Variants in GALNT17 observed in about 807,000 individuals in gnomAD.
The protein encoded by GALNT17 is polypeptide N-acetylgalactosaminyltransferase 17.
In GALNT17, 29 loss-of-function variants were observed where a neutral mutation model predicts 63.7. That is an observed-to-expected ratio of 0.46 (90% CI 0.34 to 0.62). The LOEUF (loss-of-function observed/expected upper bound fraction) is 0.62, where lower values mean the gene tolerates loss of function less well. GALNT17 is among the 20% of genes least tolerant of loss of function. The probability of loss-of-function intolerance (pLI) is 0.01; values close to 1 mark genes in which losing one functional copy is unlikely to be tolerated. For missense variants in GALNT17, 603 were observed against 799.6 expected (o/e 0.75, Z 2.97); for synonymous variants, 305 against 318.3 (o/e 0.96, Z 0.45).
At chr7:71,199,580 T>TG (rs1789125223) in intron 1 of GALNT17, among the ~76,000 whole-genome samples, 1 of 142,192 alleles carries the variant, frequency 7.0e-6, no homozygotes, top group Non-Finnish European at 1.5e-5. Flanking sequence ...CCTACCCTTC[T>TG]GCTCATTAAT....
At chr7:71,356,026 G>A (rs1792278185) in intron 2 of GALNT17, among the ~76,000 whole-genome samples, 1 of 151,906 alleles carries the variant, frequency 6.6e-6, no homozygotes, top group Non-Finnish European at 1.5e-5. Context: ...CACCCAGGCT[G>A]GAGTGCAGTG....
intron 3 of GALNT17, among the ~76,000 whole-genome samples, chr7:71,404,392 G>T (rs1368809648): frequency 6.6e-6 from 1 of 151,894 alleles, no homozygotes; most frequent in Non-Finnish European, 1.5e-5. Flanking sequence ...CTATGGAATC[G>T]CCCTCAAAAT....
At chr7:71,143,959 A>G (rs2116181261) in intron 1 of GALNT17, among the ~76,000 whole-genome samples, 1 of 151,876 alleles carries the variant, frequency 6.6e-6, no homozygotes, top group Admixed American at 6.5e-5. Flanking sequence ...CTCTGAGTTC[A>G]GGACTCAGCC....
At chr7:71,344,119 A>C (rs916834288) in intron 2 of GALNT17, among the ~76,000 whole-genome samples, 13 of 19,192 alleles carry the variant, frequency 6.8e-4, no homozygotes, top group Non-Finnish European at 9.9e-4. Flanking sequence ...GGCCTTAGAA[A>C]GTAAGACAAG....
At chr7:71,538,157 C>T (rs140896529) in intron 5 of GALNT17, among the ~76,000 whole-genome samples, 1,549 of 152,224 alleles carry the variant, frequency 0.01, 15 homozygotes, top group Non-Finnish European at 0.016. Context: ...GTTAACTGAA[C>T]GAACATTGAT....
chr7:71,151,758 A>G (rs1585841324), intron 1 of GALNT17, among the ~76,000 whole-genome samples: 1 of 152,214 alleles, frequency 6.6e-6, no homozygotes, highest in Non-Finnish European at 1.5e-5. Context: ...ATAAGTATTG[A>G]AATATGGCTA....
intron 5 of GALNT17, among the ~76,000 whole-genome samples, chr7:71,475,806 T>C (rs1469419701): frequency 6.6e-6 from 1 of 152,170 alleles, no homozygotes; most frequent in Non-Finnish European, 1.5e-5. Context: ...GTATCCCCAG[T>C]GAGTCTGCTA....
intron 1 of GALNT17, among the ~76,000 whole-genome samples, chr7:71,270,940 G>GAA (rs3839728): frequency 1.6e-4 from 23 of 143,448 alleles, no homozygotes; most frequent in Admixed American, 2.8e-4. Flanking sequence ...TTTAATCAGA[G>GAA]AAAAAAAAAA....
At chr7:71,321,556 A>G (rs1791605319) in intron 1 of GALNT17, among the ~76,000 whole-genome samples, 1 of 152,146 alleles carries the variant, frequency 6.6e-6, no homozygotes, top group Admixed American at 6.6e-5. Flanking sequence ...TCTAGATCTA[A>G]CACTTCAGAA....
chr7:71,506,161 C>G (rs1584011056), intron 5 of GALNT17, among the ~76,000 whole-genome samples: 1 of 152,124 alleles, frequency 6.6e-6, no homozygotes, highest in Non-Finnish European at 1.5e-5. Context: ...TATGTATTTG[C>G]AAATATTATG....
At chr7:71,517,524 A>G (rs76811916) in intron 5 of GALNT17, among the ~76,000 whole-genome samples, 7,968 of 152,262 alleles carry the variant, frequency 0.052, 435 homozygotes, top group African/African-American at 0.14. Context: ...TTTTTAAAAT[A>G]TAGGAATGAC....
intron 6 of GALNT17, among the ~76,000 whole-genome samples, chr7:71,633,850 A>C (rs1202188175): frequency 6.6e-6 from 1 of 152,160 alleles, no homozygotes; most frequent in Non-Finnish European, 1.5e-5. Context: ...TTTTGCTTTC[A>C]GTTTGAAGTC....
At chr7:71,331,427 G>A (rs944045804) in intron 1 of GALNT17, among the ~76,000 whole-genome samples, 2 of 152,094 alleles carry the variant, frequency 1.3e-5, no homozygotes, top group African/African-American at 4.8e-5. Context: ...CCTATATTTG[G>A]CCAGGTGTGG....
intron 1 of GALNT17, among the ~76,000 whole-genome samples, chr7:71,314,242 T>C (rs530736563): frequency 1.3e-5 from 2 of 152,096 alleles, no homozygotes; most frequent in Non-Finnish European, 2.9e-5. Flanking sequence ...TGAGTGTGTG[T>C]GTGAGTGTGT....
chr7:71,531,221 C>T (rs1237770325), intron 5 of GALNT17, among the ~76,000 whole-genome samples: 1 of 152,044 alleles, frequency 6.6e-6, no homozygotes, highest in Non-Finnish European at 1.5e-5. Flanking sequence ...CTATCACCTC[C>T]ATTATGCATC....
At chr7:71,215,745 C>G (rs933045114) in intron 1 of GALNT17, among the ~76,000 whole-genome samples, 1 of 152,068 alleles carries the variant, frequency 6.6e-6, no homozygotes, top group African/African-American at 2.4e-5. Flanking sequence ...TTCTGTAGAC[C>G]CTTGTATTTG....
chr7:71,412,124 T>A (rs1380187351), intron 3 of GALNT17, among the ~76,000 whole-genome samples: 1 of 152,012 alleles, frequency 6.6e-6, no homozygotes, highest in Non-Finnish European at 1.5e-5. Context: ...CCTTCTACAT[T>A]CTCTATCCAG....
chr7:71,712,049 G>A lies in GALNT17; in HGVS notation c.1700G>A (p.Arg567His), dbSNP rs901673405. 5.0e-6 allele frequency: 8 copies of A among 1,613,792 alleles called. No individual in the cohort carries two copies. Among genetic ancestry groups the A allele is most frequent in the Admixed American group, 1.7e-5 (1 of 59,964 alleles). The change falls in exon 11 of 11, where the codon CGC (arginine) becomes CAC (histidine). Residue 567 changes from arginine (R) to histidine (H), a missense_variant. Arg to His is a conservative substitution (Grantham distance 29, BLOSUM62 0). Around this residue, in one of 3 missense-constraint regions of GALNT17, gnomAD observed 72 missense variants for 76.9 expected, o/e 0.94. Coordinates refer to ENST00000333538, the MANE Select transcript of GALNT17 (RefSeq NM_022479.3). The part of the protein sequence containing the change: ...NGAIMNKGTG[R>H]CLEVENRGLA... ...GCCATCATGAACAAGGGCACGGGAC[G>A]CTGCCTGGAGGTGGAGAACCGGGGC...
rs183484295 is a variant in GALNT17 at position 71,190,202 on chromosome 7, G to A, written c.238+57162G>A. 3.9e-5 allele frequency among the ~76,000 whole-genome samples: 6 copies of A among 152,264 alleles called. No individual in the cohort carries two copies. In the East Asian group the frequency reaches 1.2e-3, roughly 29 times the overall value. ...TTAAGAAAAAAGTTGCACAAGATGG[G>A]CTTTGATATAGTTTGAATATCTATT... On this transcript the variant is annotated intron_variant, in intron 1 of 10. Transcript: ENST00000333538.
Sources: gnomAD v4.1 joint callset for allele counts (sites outside exome capture counted in the v4.1 genomes callset) on GRCh38, gnomAD v4.1.1 for gene constraint, gnomAD v4.1.1 regional missense constraint, MANE v1.5 for transcripts, NCBI Gene and HGNC (gene_info 2026-07-23, HGNC 2026-07-21) for gene names.